SRPK2: variants seen among roughly 807,000 people sequenced by gnomAD.
The protein encoded by SRPK2 is SRSF protein kinase 2.
SRPK2 carries 21 observed loss-of-function variants against 90.8 expected under a neutral mutation model. That is an observed-to-expected ratio of 0.23 (90% CI 0.16 to 0.33). SRPK2 has a LOEUF of 0.33. Among genes scored for constraint, SRPK2 ranks in the 10% least tolerant of loss-of-function variants. The pLI is 1.00. For synonymous variants in SRPK2, 288 were observed against 311.1 expected (o/e 0.93, Z 0.78); for missense variants, 620 against 869.0 (o/e 0.71, Z 3.60).
At chr7:105,175,517 A>G (rs1035715260) in intron 3 of SRPK2, among the ~76,000 whole-genome samples, 9 of 152,124 alleles carry the variant, frequency 5.9e-5, no homozygotes, top group Non-Finnish European at 1.3e-4. Flanking sequence ...ATATAATAAT[A>G]ATATGAACTA....
At chr7:105,364,902 C>T (rs997614522) in intron 2 of SRPK2, among the ~76,000 whole-genome samples, 11 of 152,118 alleles carry the variant, frequency 7.2e-5, no homozygotes, top group African/African-American at 2.7e-4. Flanking sequence ...GACAAAGCAT[C>T]AATGGAATCA....
chr7:105,162,011 T>C (rs1309537576), intron 6 of SRPK2, among the ~76,000 whole-genome samples: 1 of 152,198 alleles, frequency 6.6e-6, no homozygotes, highest in African/African-American at 2.4e-5. Flanking sequence ...GATTCCCAAG[T>C]AGTCAGTACT....
intron 2 of SRPK2, among the ~76,000 whole-genome samples, chr7:105,348,425 C>CTT (rs1198801071): frequency 2.6e-4 from 30 of 117,576 alleles, no homozygotes; most frequent in Non-Finnish European, 4.6e-4. Context: ...TTTTTTCTTT[C>CTT]TTTTTTTTTT....
At chr7:105,394,099 A>G (rs994167968), upstream of SRPK2, among the ~76,000 whole-genome samples, 1 of 151,768 alleles carries the variant, frequency 6.6e-6, no homozygotes, top group African/African-American at 2.4e-5. Flanking sequence ...GGAATCATAC[A>G]ATACGTGGCC....
chr7:105,147,364 C>G (rs977509253), intron 7 of SRPK2, among the ~76,000 whole-genome samples: 2 of 152,184 alleles, frequency 1.3e-5, no homozygotes, highest in African/African-American at 4.8e-5. Context: ...GTCACCCAGG[C>G]TGGAGTGCAG....
intron 3 of SRPK2, among the ~76,000 whole-genome samples, chr7:105,201,635 G>GA (rs10675341): frequency 0.35 from 51,015 of 145,928 alleles, 8,994 homozygotes; most frequent in African/African-American, 0.37. Flanking sequence ...GCTACCAGAA[G>GA]AAAAAAAAAA....
chr7:105,199,932 A>G (rs893094309), intron 3 of SRPK2, among the ~76,000 whole-genome samples: 3 of 151,988 alleles, frequency 2.0e-5, no homozygotes, highest in African/African-American at 7.2e-5. Context: ...TTCTCTGTGA[A>G]AAGAGTAGAC....
intron 2 of SRPK2, among the ~76,000 whole-genome samples, chr7:105,366,511 A>C (rs1242513086): frequency 6.6e-6 from 1 of 151,950 alleles, no homozygotes; most frequent in African/African-American, 2.4e-5. Context: ...ATGGGACTAC[A>C]GGCGTGCACC....
intron 2 of SRPK2, chr7:105,269,039 G>A (rs1215682411): frequency 3.1e-6 from 4 of 1,304,552 alleles, no homozygotes; most frequent in African/African-American, 2.9e-5. Context: ...AAAAGCTCCA[G>A]AGGCATCAGG....
At chr7:105,335,234 C>CA (rs1814955637) in intron 2 of SRPK2, among the ~76,000 whole-genome samples, 2 of 152,084 alleles carry the variant, frequency 1.3e-5, no homozygotes, top group Non-Finnish European at 2.9e-5. Context: ...TAAAGGAAGA[C>CA]AAAAAATTCC....
chr7:105,206,466 C>T (rs1415382985), intron 2 of SRPK2: 1 of 157,040 alleles, frequency 6.4e-6, no homozygotes, highest in Non-Finnish European at 1.4e-5. Flanking sequence ...TGTGTAGGCA[C>T]TTCTCATTCC....
At chr7:105,372,807 G>A (rs554886294) in intron 2 of SRPK2, among the ~76,000 whole-genome samples, 18 of 152,020 alleles carry the variant, frequency 1.2e-4, no homozygotes, top group African/African-American at 4.3e-4. Flanking sequence ...CTGTGAGTAC[G>A]ACTGGGCATG....
At chr7:105,374,174 A>C (rs941978435) in intron 2 of SRPK2, among the ~76,000 whole-genome samples, 3 of 151,326 alleles carry the variant, frequency 2.0e-5, no homozygotes, top group Non-Finnish European at 4.4e-5. Flanking sequence ...TGATCTGCCC[A>C]CCTTGGCCTC....
At chr7:105,309,570 T>C (rs1410735873) in intron 2 of SRPK2, among the ~76,000 whole-genome samples, 1 of 152,142 alleles carries the variant, frequency 6.6e-6, no homozygotes, top group African/African-American at 2.4e-5. Context: ...CAGAACCCCA[T>C]CTTTTACAAA....
chr7:105,301,367 G>C (rs758183304), intron 2 of SRPK2, among the ~76,000 whole-genome samples: 12 of 151,932 alleles, frequency 7.9e-5, no homozygotes, highest in Non-Finnish European at 1.5e-4. Context: ...GAGGCCAGGG[G>C]CACGCACGAT....
chr7:105,245,769 T>G (rs1028913229), intron 2 of SRPK2, among the ~76,000 whole-genome samples: 9 of 152,082 alleles, frequency 5.9e-5, no homozygotes, highest in African/African-American at 2.2e-4. Context: ...GTGCGGTGGT[T>G]ATTCACAGGC....
intron 3 of SRPK2, among the ~76,000 whole-genome samples, chr7:105,179,217 T>A (rs547208050): frequency 1.3e-5 from 2 of 152,188 alleles, no homozygotes; most frequent in South Asian, 4.1e-4. Flanking sequence ...GGATGTCGAT[T>A]TGAATATCAG....
At chr7:105,261,807 C>A in intron 2 of SRPK2, among the ~76,000 whole-genome samples, 1 of 152,120 alleles carries the variant, frequency 6.6e-6, no homozygotes, top group East Asian at 1.9e-4. Context: ...CACTGATACG[C>A]CCCACTGTCA....
chr7:105,143,024 A>G (rs1804024329), intron 10 of SRPK2, 60 bp downstream of exon 10: 1 of 1,575,282 alleles, frequency 6.3e-7, no homozygotes, highest in African/African-American at 1.4e-5. Context: ...TTGACCTGGC[A>G]GAACCCTACT....
Sources: allele counts gnomAD v4.1 joint callset (sites outside exome capture counted in the v4.1 genomes callset), GRCh38; gene constraint gnomAD v4.1.1; transcripts MANE v1.5; gene names NCBI Gene and HGNC (gene_info 2026-07-23, HGNC 2026-07-21).